Variants in VWA3A observed in about 807,000 individuals in gnomAD.
VWA3A encodes von Willebrand factor A domain containing 3A, also known as von Willebrand factor A domain-containing protein 3A.
VWA3A carries 134 observed loss-of-function variants against 160.4 expected under a neutral mutation model. The observed-to-expected ratio is 0.84, with a 90% CI of 0.73 to 0.96. The LOEUF is 0.96. Among genes scored for constraint, VWA3A ranks in the 40% least tolerant of loss-of-function variants. The pLI is 0.00. For synonymous variants in VWA3A, 476 were observed against 543.4 expected (o/e 0.88, Z 1.72); for missense variants, 1,310 against 1,447.9 (o/e 0.90, Z 1.55).
intron 5 of VWA3A, among the ~76,000 whole-genome samples, chr16:22,101,750 T>G (rs1470098525): frequency 1.3e-5 from 2 of 152,228 alleles, no homozygotes; most frequent in East Asian, 3.8e-4. Flanking sequence ...ATAGTAACTT[T>G]TATTAGGTTG....
intron 24 of VWA3A, among the ~76,000 whole-genome samples, chr16:22,141,956 G>C (rs1260167571): frequency 1.3e-5 from 2 of 152,180 alleles, no homozygotes; most frequent in Non-Finnish European, 2.9e-5. Context: ...TGTCCACTAG[G>C]GGCAGTTTCC....
At chr16:22,100,090 A>T in intron 3 of VWA3A, 104 bp from the exon 4 acceptor site, 8 of 1,277,604 alleles carry the variant, frequency 6.3e-6, no homozygotes, top group Non-Finnish European at 7.3e-6. Context: ...AAAAAAAAAG[A>T]TAGGGTCAGT....
At chr16:22,147,538 C>T (rs554725961) in intron 27 of VWA3A, 25 of 702,072 alleles carry the variant, frequency 3.6e-5, no homozygotes, top group South Asian at 7.4e-5. Flanking sequence ...TGGCTTTGTA[C>T]GTGCCACTCA....
Position 22,149,952 on chromosome 16 carries a change from C to T in VWA3A, c.3129+21C>T, listed in dbSNP as rs751653394. On this transcript the variant is annotated intron_variant, in intron 29 of 33. Coordinates refer to ENST00000389398, the MANE Select transcript of VWA3A (RefSeq NM_173615.5). ...TGCTGGCAAGTCCCACCACGGAGCC[C>T]GACCTTGACGCAAAACAAATACCAT... 73 of 1,586,300 alleles carry T rather than the reference C, an allele frequency of 4.6e-5. 1 individual carries two copies. In the South Asian group the frequency reaches 6.9e-4, roughly 15 times the overall value.
intron 3 of VWA3A, among the ~76,000 whole-genome samples, chr16:22,097,939 G>C (rs2141829681): frequency 6.6e-6 from 1 of 152,302 alleles, no homozygotes; most frequent in Non-Finnish European, 1.5e-5. Flanking sequence ...TGAAGACTCT[G>C]ATCATGTTAT....
intron 6 of VWA3A, among the ~76,000 whole-genome samples, chr16:22,106,117 G>A (rs1239823197): frequency 1.3e-5 from 2 of 152,132 alleles, no homozygotes; most frequent in Non-Finnish European, 2.9e-5. Flanking sequence ...GGGCGTGGTG[G>A]TGCACACCTG....
chr16:22,115,898 GA>G (rs1411591125), intron 9 of VWA3A, among the ~76,000 whole-genome samples: 1 of 38,640 alleles, frequency 2.6e-5, no homozygotes, highest in Non-Finnish European at 3.9e-5. Context: ...AGGAAGGAAG[GA>G]AGGAAGGAAG....
intron 17 of VWA3A, among the ~76,000 whole-genome samples, chr16:22,128,741 A>G (rs1306961544): frequency 3.9e-5 from 6 of 152,224 alleles, no homozygotes; most frequent in Non-Finnish European, 8.8e-5. Flanking sequence ...ACGGAATACT[A>G]TGCAGCCATA....
chr16:22,147,656 G>T (rs2142015554), intron 27 of VWA3A: 3 of 702,938 alleles, frequency 4.3e-6, no homozygotes, highest in South Asian at 3.0e-5. Flanking sequence ...CAGTTGTCAG[G>T]TCAGAGGCTG....
In VWA3A at chr16:22,116,838, A is replaced by G; in HGVS notation, c.895A>G (p.Thr299Ala). The change falls in exon 10 of 34, where the codon ACC becomes GCC. Residue 299 changes from threonine (T) to alanine (A), a missense_variant. By Grantham distance (58) the Thr-to-Ala change is moderately conservative. Coordinates refer to ENST00000389398, the MANE Select transcript of VWA3A (RefSeq NM_173615.5). ...MGRDLIIHFI[T>A]YRCDDQMPPA... is the part of the protein sequence containing the mutation. ...AAGAGACCTCATCATCCACTTCATC[A>G]CCTACAGATGCGATGATCAGATGCC... 1 of 1,613,158 alleles carries G rather than the reference A, an allele frequency of 6.2e-7. No individual in the cohort carries two copies. The highest frequency in any genetic ancestry group is 8.5e-7 in the Non-Finnish European group (1 of 1,179,768).
At chr16:22,098,355 T>A (rs559230696) in intron 3 of VWA3A, among the ~76,000 whole-genome samples, 1 of 152,354 alleles carries the variant, frequency 6.6e-6, no homozygotes, top group African/African-American at 2.4e-5. Flanking sequence ...ACTTAGGTTC[T>A]GGCACTTACA....
intron 14 of VWA3A, among the ~76,000 whole-genome samples, 167 bp from the exon 15 acceptor site, chr16:22,122,918 T>C (rs1237198886): frequency 6.6e-6 from 1 of 151,880 alleles, no homozygotes; most frequent in African/African-American, 2.4e-5. Context: ...GTGGTGGTGG[T>C]ATTGGGGTGT....
intron 24 of VWA3A, 82 bp downstream of exon 24, chr16:22,141,774 G>A (rs947890396): frequency 8.3e-7 from 1 of 1,208,512 alleles, no homozygotes; most frequent in African/African-American, 1.5e-5. Flanking sequence ...GTGGGAAGGA[G>A]ACCCCTCCTG....
In VWA3A at chr16:22,113,363, CTTTTTTTTTTTTTTTT is replaced by C. The variant is rs569069206; in HGVS notation, c.690-1966_690-1951del. On this transcript the variant is annotated intron_variant, in intron 8 of 33. Coordinates refer to ENST00000389398, the MANE Select transcript of VWA3A (RefSeq NM_173615.5). ...TGCTCCACAATGCCTGGCTAATTTT[CTTTTTTTTTTTTTTTT>C]TTTTTTTTTTTTTTTTTGTATTTTT... is the stretch of plus-strand genomic sequence containing the variant. Among the ~76,000 whole-genome samples, 54 of 46,264 alleles carry C rather than the reference CTTTTTTTTTTTTTTTT, an allele frequency of 1.2e-3. 1 individual carries two copies. Among genetic ancestry groups the C allele is most frequent in the South Asian group, 2.8e-3 (2 of 708 alleles). 30.4% of individuals were successfully genotyped at this position (46,264 alleles called of 152,430 possible).
chr16:22,117,188 T>G lies in VWA3A; in HGVS notation c.990+12T>G. 1.3e-6 allele frequency: 2 copies of G among 1,570,770 alleles called. No individual in the cohort carries two copies. The highest frequency in any genetic ancestry group is 8.6e-7 in the Non-Finnish European group (1 of 1,157,556). On this transcript the variant is annotated intron_variant, in intron 11 of 33. Transcript: ENST00000389398. ...GCCCAAAGATGGAGGTAAGCCCTTCTGTCAACACATGGCCCCTCTTCTTCT... is the reference window on the plus strand; with the variant it reads ...GCCCAAAGATGGAGGTAAGCCCTTCGGTCAACACATGGCCCCTCTTCTTCT...
chr16:22,110,300 G>A (rs1322124042), intron 7 of VWA3A, among the ~76,000 whole-genome samples: 3 of 152,166 alleles, frequency 2.0e-5, no homozygotes, highest in African/African-American at 7.2e-5. Context: ...TTTCTTACGG[G>A]TACCATGGCA....
intron 8 of VWA3A, among the ~76,000 whole-genome samples, chr16:22,114,788 C>T (rs1274722177): frequency 6.6e-6 from 1 of 151,402 alleles, no homozygotes; most frequent in African/African-American, 2.4e-5. Flanking sequence ...ACAGTGAGAC[C>T]CCTATCTCTC....
At chr16:22,115,515 G>A (rs1345583781) in intron 9 of VWA3A, 43 bp downstream of exon 9, 3 of 1,558,188 alleles carry the variant, frequency 1.9e-6, no homozygotes, top group South Asian at 2.4e-5. Context: ...ACATGAAAAG[G>A]ACTGAAAAAC....
chr16:22,121,138 G>C, intron 13 of VWA3A, 35 bp downstream of exon 13: 1 of 1,613,438 alleles, frequency 6.2e-7, no homozygotes, highest in Non-Finnish European at 8.5e-7. Context: ...CCAGGAAACA[G>C]GTGACTGACT....
Sources: allele counts gnomAD v4.1 joint callset (sites outside exome capture counted in the v4.1 genomes callset), GRCh38; gene constraint gnomAD v4.1.1; transcripts MANE v1.5; gene names NCBI Gene and HGNC (gene_info 2026-07-23, HGNC 2026-07-21).